The following ASIC2 variants were observed in gnomAD, a reference collection of about 807,000 sequenced individuals.
ASIC2 encodes the protein acid sensing ion channel subunit 2.
In ASIC2, 25 loss-of-function variants were observed where a neutral mutation model predicts 57.3. The observed-to-expected ratio is 0.44, with a 90% CI of 0.32 to 0.61. The LOEUF is 0.61. Ranked by LOEUF, ASIC2 falls within the 20% of genes least tolerant of loss-of-function variation. The pLI, the probability that ASIC2 is intolerant of heterozygous loss-of-function variation, is 0.06. For missense variants in ASIC2, 641 were observed against 738.1 expected (o/e 0.87, Z 1.52); for synonymous variants, 319 against 307.5 (o/e 1.04, Z -0.39).
At chr17:33,205,007 T>C (rs551687481) in intron 1 of ASIC2, among the ~76,000 whole-genome samples, 1 of 152,368 alleles carries the variant, frequency 6.6e-6, no homozygotes, top group East Asian at 1.9e-4. Flanking sequence ...AGGTCTCTTG[T>C]TTACTTAAGA....
At chr17:33,624,439 C>T (rs1289239449) in intron 1 of ASIC2, among the ~76,000 whole-genome samples, 8 of 152,216 alleles carry the variant, frequency 5.3e-5, no homozygotes, top group Non-Finnish European at 1.2e-4. Context: ...CAAGCGAAAG[C>T]AGGGAGGCCG....
chr17:33,079,869 C>G (rs910621368), intron 3 of ASIC2, among the ~76,000 whole-genome samples: 2 of 152,092 alleles, frequency 1.3e-5, no homozygotes, highest in Non-Finnish European at 2.9e-5. Context: ...GAACAAGGTT[C>G]CACAACTAGC....
At chr17:33,626,613 G>T (rs1256778169) in intron 1 of ASIC2, among the ~76,000 whole-genome samples, 1 of 152,138 alleles carries the variant, frequency 6.6e-6, no homozygotes, top group African/African-American at 2.4e-5. Flanking sequence ...TCAGGGGAGG[G>T]GATGCCCTAA....
intron 1 of ASIC2, among the ~76,000 whole-genome samples, chr17:33,588,463 T>C (rs1044196426): frequency 2.6e-5 from 4 of 152,206 alleles, no homozygotes; most frequent in African/African-American, 9.7e-5. Flanking sequence ...TACAGTTTCA[T>C]GTCCACATCA....
At chr17:33,325,745 C>T (rs1212780821) in intron 1 of ASIC2, among the ~76,000 whole-genome samples, 3 of 151,922 alleles carry the variant, frequency 2.0e-5, no homozygotes, top group Admixed American at 1.3e-4. Flanking sequence ...ATAATCCAAG[C>T]AAAGGATGTG....
chr17:33,782,466 C>A (rs1265217958), intron 1 of ASIC2, among the ~76,000 whole-genome samples: 1 of 150,768 alleles, frequency 6.6e-6, no homozygotes, highest in Non-Finnish European at 1.5e-5. Flanking sequence ...CATGGTGGCT[C>A]ACACCTGTAA....
intron 1 of ASIC2, among the ~76,000 whole-genome samples, chr17:33,127,425 A>C (rs1201494257): frequency 3.9e-5 from 6 of 152,160 alleles, no homozygotes; most frequent in Admixed American, 3.9e-4. Context: ...TATAAATTAG[A>C]CAAAGTGCAA....
In ASIC2 at chr17:33,693,412, A is replaced by G. The variant is rs116905267; in HGVS notation, c.555+462566T>C. 1.0e-3 allele frequency among the ~76,000 whole-genome samples: 156 copies of G among 152,318 alleles called. 1 individual carries two copies. The East Asian group carries it at 0.028, about 27-fold the overall frequency. ...TAATCTGTCAGGTCTAGGCCTGTTG[A>G]TGTCACACCTCTGATAGGAACATCC... On this transcript the variant is annotated intron_variant, in intron 1 of 9. Transcript: ENST00000359872.
rs141812567 is a variant in ASIC2 at position 33,235,119 on chromosome 17, C to G, written c.708+56289G>C. 2.0e-3 allele frequency among the ~76,000 whole-genome samples: 299 copies of G among 152,306 alleles called. 3 individuals are homozygous for G. Among genetic ancestry groups the G allele is most frequent in the African/African-American group, 6.4e-3 (264 of 41,566 alleles). On this transcript the variant is annotated intron_variant, in intron 1 of 9. Coordinates refer to ENST00000225823, the MANE Select transcript of ASIC2 (RefSeq NM_183377.2). ...TGGAAAGCAAGGTTCACTGCTGGAC[C>G]CTGGGGCATGAGACATAAGACACAC... is the stretch of plus-strand genomic sequence containing the variant.
At chr17:33,395,728 G>A (rs187217450) in intron 1 of ASIC2, among the ~76,000 whole-genome samples, 15 of 152,298 alleles carry the variant, frequency 9.8e-5, no homozygotes, top group African/African-American at 2.6e-4. Flanking sequence ...CCTTATGATG[G>A]GGAAGACCAG....
At chr17:34,073,949 GTC>G (rs1380555131) in intron 1 of ASIC2, among the ~76,000 whole-genome samples, 1 of 152,168 alleles carries the variant, frequency 6.6e-6, no homozygotes, top group Non-Finnish European at 1.5e-5. Context: ...GGCTCTAAAT[GTC>G]TCTCTCCAAC....
chr17:33,462,479 G>GT (rs1424569763), intron 1 of ASIC2, among the ~76,000 whole-genome samples: 1 of 152,196 alleles, frequency 6.6e-6, no homozygotes, highest in Non-Finnish European at 1.5e-5. Flanking sequence ...TGAAAGAGAC[G>GT]TAAGATACAA....
chr17:33,663,966 G>T (rs1232646655), intron 1 of ASIC2, among the ~76,000 whole-genome samples: 1 of 152,142 alleles, frequency 6.6e-6, no homozygotes, highest in Non-Finnish European at 1.5e-5. Context: ...TGAATTCTTT[G>T]CTTTTACTGT....
intron 1 of ASIC2, among the ~76,000 whole-genome samples, chr17:33,685,338 G>A (rs1006771307): frequency 1.1e-4 from 16 of 152,192 alleles, no homozygotes; most frequent in African/African-American, 2.6e-4. Context: ...GCCACCTCGC[G>A]CTCCTCCATC....
chr17:33,799,417 TTCTTTCTTTC>T, intron 1 of ASIC2, among the ~76,000 whole-genome samples: 4 of 71,636 alleles, frequency 5.6e-5, no homozygotes, highest in African/African-American at 2.2e-4. Context: ...CTTTCTTTCT[TTCTTTCTTTC>T]TTCTTTCTTT....
chr17:33,768,598 C>A (rs1284968126), intron 1 of ASIC2, among the ~76,000 whole-genome samples: 6 of 152,220 alleles, frequency 3.9e-5, no homozygotes. Flanking sequence ...CCTAGGCAGA[C>A]AGGGGCAGGT....
chr17:34,047,420 C>T (rs1391297705), intron 1 of ASIC2, among the ~76,000 whole-genome samples: 1 of 150,264 alleles, frequency 6.7e-6, no homozygotes. Context: ...AGCCCTTCAT[C>T]CCTACTTCTA....
At chr17:33,604,209 G>A (rs1158566851) in intron 1 of ASIC2, among the ~76,000 whole-genome samples, 1 of 152,204 alleles carries the variant, frequency 6.6e-6, no homozygotes, top group Non-Finnish European at 1.5e-5. Flanking sequence ...CTAGTGATAA[G>A]AACCATTCAG....
intron 1 of ASIC2, chr17:34,039,506 G>T: frequency 3.7e-6 from 6 of 1,613,778 alleles, no homozygotes; most frequent in Non-Finnish European, 5.1e-6. Context: ...TGTTCTACTC[G>T]TCGCGGTAAG....
Sources: allele counts gnomAD v4.1 joint callset (sites outside exome capture counted in the v4.1 genomes callset), GRCh38; gene constraint gnomAD v4.1.1; transcripts MANE v1.5; gene names NCBI Gene and HGNC (gene_info 2026-07-23, HGNC 2026-07-21).